S100Z: variants seen among roughly 807,000 people sequenced by gnomAD.
S100Z encodes the protein S100 calcium binding protein Z, also known as protein S100-Z.
In S100Z, 11 loss-of-function variants were observed where a neutral mutation model predicts 8.5. The observed-to-expected ratio is 1.30, with a 90% CI of 0.82 to 2.15. The LOEUF is 2.15. Among genes scored for constraint, S100Z ranks in the 30% most tolerant of loss-of-function variants. The probability of loss-of-function intolerance (pLI) is 0.00; values close to 1 mark genes in which losing one functional copy is unlikely to be tolerated. For synonymous variants in S100Z, 34 were observed against 43.8 expected (o/e 0.78, Z 0.89); for missense variants, 126 against 117.9 (o/e 1.07, Z -0.32).
At chr5:76,856,753 G>A (rs1750892732) in intron 1 of S100Z, among the ~76,000 whole-genome samples, 1 of 152,202 alleles carries the variant, frequency 6.6e-6, no homozygotes, top group Non-Finnish European at 1.5e-5. Context: ...TGTTCCAGGT[G>A]AGTGGAAATA....
chr5:76,909,000 C>T (rs1409884217), intron 4 of S100Z, among the ~76,000 whole-genome samples: 1 of 152,108 alleles, frequency 6.6e-6, no homozygotes, highest in East Asian at 1.9e-4. Context: ...CTTTGGTCCT[C>T]CTTGTGGTCT....
chr5:76,869,946 C>A (rs1742948229), intron 1 of S100Z, among the ~76,000 whole-genome samples: 1 of 151,972 alleles, frequency 6.6e-6, no homozygotes, highest in African/African-American at 2.4e-5. Flanking sequence ...TTGCTTGAAC[C>A]CAGGAGGCAG....
chr5:76,857,776 C>T (rs985374745), intron 1 of S100Z, among the ~76,000 whole-genome samples: 1 of 152,154 alleles, frequency 6.6e-6, no homozygotes, highest in Non-Finnish European at 1.5e-5. Flanking sequence ...GCTGGGATTA[C>T]AGGTATGAGC....
intron 4 of S100Z, among the ~76,000 whole-genome samples, chr5:76,881,924 AAG>A (rs1561234025): frequency 6.6e-6 from 1 of 152,160 alleles, no homozygotes; most frequent in Non-Finnish European, 1.5e-5. Context: ...CGGCCTTGAG[AAG>A]AGTTTTTATT....
chr5:76,859,322 C>G (rs767621731), intron 1 of S100Z, among the ~76,000 whole-genome samples: 3 of 152,152 alleles, frequency 2.0e-5, no homozygotes, highest in Non-Finnish European at 2.9e-5. Flanking sequence ...CACCACCACA[C>G]AACTATGTCT....
intron 4 of S100Z, among the ~76,000 whole-genome samples, chr5:76,880,677 G>A (rs761148947): frequency 2.0e-5 from 3 of 152,186 alleles, no homozygotes; most frequent in Non-Finnish European, 4.4e-5. Flanking sequence ...TAAGAATTGG[G>A]AGTACCCAGG....
At chr5:76,917,144 AG>A (rs1744880934) in intron 4 of S100Z, among the ~76,000 whole-genome samples, 3 of 150,608 alleles carry the variant, frequency 2.0e-5, no homozygotes, top group Non-Finnish European at 4.4e-5. Context: ...AAAAAAAAAA[AG>A]GATATTTCAA....
the S100Z span, among the ~76,000 whole-genome samples, chr5:76,942,719 A>C: frequency 6.6e-6 from 1 of 152,140 alleles, no homozygotes; most frequent in Non-Finnish European, 1.5e-5. Flanking sequence ...TTGTTTTTAC[A>C]GATGTTGATT....
At position 76,878,015 on chromosome 5, in the gene S100Z, G is replaced by A. The variant is rs2359658; in HGVS notation, c.*2+181G>A. 282,840 of 408,862 alleles carry A rather than the reference G, an allele frequency of 0.69. 100,205 individuals carry two copies. Among genetic ancestry groups the A allele is most frequent in the African/African-American group, 0.9 (44,167 of 49,178 alleles). 25.3% of individuals were successfully genotyped at this position (408,862 alleles called of 1,614,324 possible). A position where few individuals can be genotyped will look rare whatever the true frequency, so the allele number is the denominator to read the frequency against. On this transcript the variant is annotated intron_variant, in intron 4 of 4. Transcript: ENST00000317593. ...CCCCTTAAAATATTGACTTTATGTA[G>A]ATATTCTAAATCTCATATGCCCTAC...
chr5:76,859,707 G>A (rs868546652), intron 1 of S100Z, among the ~76,000 whole-genome samples: 2 of 143,634 alleles, frequency 1.4e-5, no homozygotes, highest in African/African-American at 2.5e-5. Flanking sequence ...GCTTGAACCC[G>A]GAAGTGGAGG....
chr5:76,859,450 A>G (rs1305788379), intron 1 of S100Z, among the ~76,000 whole-genome samples: 1 of 152,110 alleles, frequency 6.6e-6, no homozygotes, highest in Non-Finnish European at 1.5e-5. Context: ...ATAATGCAGG[A>G]TCTTTACCCT....
the S100Z span, among the ~76,000 whole-genome samples, chr5:76,941,832 T>C: frequency 1.3e-5 from 2 of 152,142 alleles, no homozygotes; most frequent in African/African-American, 4.8e-5. Flanking sequence ...AGATAAAATA[T>C]TTGGGATTCT....
intron 4 of S100Z, among the ~76,000 whole-genome samples, chr5:76,900,004 A>T (rs1198691991): frequency 1.3e-5 from 2 of 152,190 alleles, no homozygotes; most frequent in Non-Finnish European, 2.9e-5. Flanking sequence ...TTTTCACTGG[A>T]TATACTATTG....
the S100Z span, among the ~76,000 whole-genome samples, chr5:76,938,720 C>G: frequency 6.6e-6 from 1 of 152,284 alleles, no homozygotes; most frequent in East Asian, 1.9e-4. Context: ...GTTTTTACGT[C>G]TATGTGTGTG....
intron 4 of S100Z, among the ~76,000 whole-genome samples, chr5:76,914,256 G>T (rs948816837): frequency 6.6e-6 from 1 of 152,114 alleles, no homozygotes; most frequent in Middle Eastern, 3.2e-3. Flanking sequence ...TTAGAGGGGG[G>T]ATTGAGAGGT....
At chr5:76,918,791 A>G (rs1744939197) in intron 4 of S100Z, among the ~76,000 whole-genome samples, 1 of 152,234 alleles carries the variant, frequency 6.6e-6, no homozygotes, top group African/African-American at 2.4e-5. Context: ...ATCCACTGTT[A>G]CAGTATGATA....
chr5:76,857,544 G>T (rs1167663802), intron 1 of S100Z, among the ~76,000 whole-genome samples: 1 of 141,424 alleles, frequency 7.1e-6, no homozygotes, highest in Non-Finnish European at 1.5e-5. Flanking sequence ...CCGCCACCCA[G>T]ACTGGGGTGC....
chr5:76,928,245 C>T, the S100Z span, among the ~76,000 whole-genome samples: 1 of 152,128 alleles, frequency 6.6e-6, no homozygotes, highest in Non-Finnish European at 1.5e-5. Flanking sequence ...CATAACAGGG[C>T]CATCAATAAT....
chr5:76,863,307 C>T (rs969518868), intron 1 of S100Z, among the ~76,000 whole-genome samples: 1 of 152,200 alleles, frequency 6.6e-6, no homozygotes, highest in African/African-American at 2.4e-5. Context: ...CACACACAAG[C>T]ACTCACTCAC....
Sources: allele counts gnomAD v4.1 joint callset (sites outside exome capture counted in the v4.1 genomes callset), GRCh38; gene constraint gnomAD v4.1.1; transcripts MANE v1.5; gene names NCBI Gene and HGNC (gene_info 2026-07-23, HGNC 2026-07-21).